The following CA8 variants were observed in gnomAD, a reference collection of about 807,000 sequenced individuals.
CA8 encodes carbonic anhydrase 8 (inactive).
In CA8, 22 loss-of-function variants were observed where a neutral mutation model predicts 41.4. That is an observed-to-expected ratio of 0.53 (90% CI 0.38 to 0.76). The LOEUF is 0.76. Ranked by LOEUF, CA8 falls within the 30% of genes least tolerant of loss-of-function variation. The probability of loss-of-function intolerance (pLI) is 0.00; values close to 1 mark genes in which losing one functional copy is unlikely to be tolerated. For synonymous variants in CA8, 121 were observed against 130.6 expected (o/e 0.93, Z 0.50); for missense variants, 270 against 352.8 (o/e 0.77, Z 1.88).
In CA8 at chr8:60,187,629, T is replaced by G. The variant is rs767450609; in HGVS notation, c.*2392A>C. 20 of 152,120 alleles carry G rather than the reference T, an allele frequency of 1.3e-4. No homozygotes were observed. Among genetic ancestry groups the G allele is most frequent in the Non-Finnish European group, 2.4e-4 (16 of 67,994 alleles). The allele number at this position is 152,120 out of a possible 1,614,324, so 9.4% of individuals were successfully genotyped here. ...ACAAAAAAAGAGTAAACTCAAATTA[T>G]CTTAATTGGCAAACCTTCTGACAAC... On this transcript the variant is annotated 3_prime_UTR_variant, in exon 9 of 9. Coordinates refer to ENST00000317995, the MANE Select transcript of CA8 (RefSeq NM_004056.6).
intron 3 of CA8, among the ~76,000 whole-genome samples, chr8:60,255,598 C>G (rs540783336): frequency 1.4e-4 from 21 of 152,136 alleles, no homozygotes; most frequent in Non-Finnish European, 2.6e-4. Flanking sequence ...CCTTTGGGTT[C>G]CCAAGTGAAG....
intron 2 of CA8, among the ~76,000 whole-genome samples, chr8:60,270,523 C>G (rs1406714911): frequency 6.6e-6 from 1 of 152,164 alleles, no homozygotes; most frequent in Non-Finnish European, 1.5e-5. Flanking sequence ...TCAAGAGATT[C>G]TCCTGCCTCA....
At chr8:60,238,683 C>T (rs1375023840) in intron 3 of CA8, among the ~76,000 whole-genome samples, 3 of 152,144 alleles carry the variant, frequency 2.0e-5, no homozygotes, top group South Asian at 2.1e-4. Flanking sequence ...ACCACATTTC[C>T]TCTGTTGAAA....
At chr8:60,193,476 A>C (rs1023998643) in intron 8 of CA8, among the ~76,000 whole-genome samples, 3 of 152,126 alleles carry the variant, frequency 2.0e-5, no homozygotes, top group Non-Finnish European at 2.9e-5. Flanking sequence ...TGGTGTGGCA[A>C]TATCAAGTAG....
chr8:60,263,810 A>G (rs557830849), intron 3 of CA8, among the ~76,000 whole-genome samples: 1 of 152,346 alleles, frequency 6.6e-6, no homozygotes, highest in African/African-American at 2.4e-5. Flanking sequence ...AAATATATCA[A>G]TAAACAATCC....
intron 2 of CA8, among the ~76,000 whole-genome samples, chr8:60,276,987 C>T (rs756383788): frequency 1.3e-5 from 2 of 151,812 alleles, no homozygotes; most frequent in South Asian, 2.1e-4. Context: ...GGTGTGGTGG[C>T]GGGCGCCTGT....
In CA8 at chr8:60,277,106, G is replaced by A. The variant is rs181769009; in HGVS notation, c.292+2583C>T. 6.3e-3 allele frequency among the ~76,000 whole-genome samples: 877 copies of A among 138,530 alleles called. 6 individuals are homozygous for A. The highest frequency in any genetic ancestry group is 0.011 in the Non-Finnish European group (707 of 65,156). The allele number at this position is 138,530 out of a possible 152,430, so 90.9% of individuals were successfully genotyped here. On this transcript the variant is annotated intron_variant, in intron 2 of 8. Coordinates refer to ENST00000317995, the MANE Select transcript of CA8 (RefSeq NM_004056.6). ...TGCACTCCAGCCTAGGCGACAGAGC[G>A]AGACTCTGTCTCAAAAGAAAAAAAA...
At chr8:60,256,819 C>T (rs1477552706) in intron 3 of CA8, among the ~76,000 whole-genome samples, 1 of 151,868 alleles carries the variant, frequency 6.6e-6, no homozygotes, top group African/African-American at 2.4e-5. Context: ...GGAAAAATGA[C>T]CTGGAAATGT....
At chr8:60,230,564 T>C (rs925244558) in intron 4 of CA8, among the ~76,000 whole-genome samples, 1 of 150,470 alleles carries the variant, frequency 6.6e-6, no homozygotes, top group Non-Finnish European at 1.5e-5. Flanking sequence ...CCCCGATGGA[T>C]TTCAGCCCAT....
rs564938579 is a variant in CA8 at position 60,185,473 on chromosome 8, C to A, written c.*4548G>T. On this transcript the variant is annotated 3_prime_UTR_variant, in exon 9 of 9. Coordinates refer to ENST00000317995, the MANE Select transcript of CA8 (RefSeq NM_004056.6). ...AAAAAAAATCATTCATCTACATACC[C>A]AAGAAGCTCAACAAATTCCAAGCAG... is the stretch of plus-strand genomic sequence containing the variant. Among the ~76,000 whole-genome samples the A allele has an allele frequency of 1.7e-3, 262 of 152,008 alleles. 1 individual carries two copies. Among genetic ancestry groups the A allele is most frequent in the Admixed American group, 3.3e-3 (51 of 15,260 alleles).
intron 8 of CA8, among the ~76,000 whole-genome samples, chr8:60,205,240 T>C (rs1476495374): frequency 6.6e-6 from 1 of 152,142 alleles, no homozygotes; most frequent in Non-Finnish European, 1.5e-5. Context: ...CCGTGTGACA[T>C]TGCTTTTTAC....
intron 3 of CA8, among the ~76,000 whole-genome samples, chr8:60,237,735 C>T (rs1180333811): frequency 6.6e-6 from 1 of 152,248 alleles, no homozygotes; most frequent in African/African-American, 2.4e-5. Flanking sequence ...AGGCTCCCTT[C>T]AGCCATTCTC....
At chr8:60,249,338 T>C (rs1213163518) in intron 3 of CA8, among the ~76,000 whole-genome samples, 1 of 152,190 alleles carries the variant, frequency 6.6e-6, no homozygotes, top group East Asian at 1.9e-4. Flanking sequence ...CTTCAGGAGT[T>C]CCTATAATGT....
intron 4 of CA8, among the ~76,000 whole-genome samples, chr8:60,229,633 G>A (rs1289248671): frequency 2.0e-5 from 3 of 152,098 alleles, no homozygotes; most frequent in African/African-American, 4.8e-5. Context: ...AACCAACCCT[G>A]AGGACACTGC....
rs1421833180 is a variant in CA8, at chr8:60,232,313, C to T, written c.484G>A (p.Gly162Arg). The T allele has an allele frequency of 1.2e-6, 2 of 1,613,886 alleles. No individual in the cohort carries two copies. The highest frequency in any genetic ancestry group is 1.7e-6 in the Non-Finnish European group (2 of 1,179,770). The change falls in exon 4 of 9, where the codon GGA becomes AGA. Residue 162 changes from glycine (G) to arginine (R), a missense_variant. Physicochemically the swap from Gly to Arg is moderately radical, Grantham distance 125. Coordinates refer to ENST00000317995, the MANE Select transcript of CA8 (RefSeq NM_004056.6). The stretch of plus-strand genomic sequence containing the variant: ...ACAAACAGAGCAATGATGGCGATTC[C>T]GTGCGGCTTCCCCACAGCCTCATCA... The part of the protein sequence containing the change: ...SIDEAVGKPH[G>R]IAIIALFVQI...
At position 60,279,898 on chromosome 8, in the gene CA8, TAA is replaced by T. The variant is rs1804354860; in HGVS notation, c.101-20_101-19del. 1 of 1,584,602 alleles carries T rather than the reference TAA, an allele frequency of 6.3e-7. No homozygotes were observed. The highest frequency in any genetic ancestry group is 1.8e-5 in the Admixed American group (1 of 57,068). ...CTCAACACCTAAGAACAAAATGAAA[TAA>T]ATTAAAAACAGGTTAAAAAATAAAT... On this transcript the variant is annotated intron_variant, in intron 1 of 8. Transcript: ENST00000317995.
chr8:60,241,152 C>T (rs764331328), intron 3 of CA8, among the ~76,000 whole-genome samples: 1 of 152,170 alleles, frequency 6.6e-6, no homozygotes, highest in Non-Finnish European at 1.5e-5. Flanking sequence ...CGCTTTAAGT[C>T]ATCACTGTCA....
At chr8:60,277,567 C>G (rs567059041) in intron 2 of CA8, among the ~76,000 whole-genome samples, 26 of 152,088 alleles carry the variant, frequency 1.7e-4, no homozygotes, top group Non-Finnish European at 3.1e-4. Context: ...GTTGGTCAGG[C>G]TGGTGTCGAA....
chr8:60,215,571 A>T (rs569415688), intron 7 of CA8, among the ~76,000 whole-genome samples: 38 of 152,302 alleles, frequency 2.5e-4, no homozygotes, highest in Non-Finnish European at 4.3e-4. Context: ...AAATAAAAAA[A>T]TTTTAATAAA....
Sources: gnomAD v4.1 joint callset for allele counts (sites outside exome capture counted in the v4.1 genomes callset) on GRCh38, gnomAD v4.1.1 for gene constraint, MANE v1.5 for transcripts, NCBI Gene and HGNC (gene_info 2026-07-23, HGNC 2026-07-21) for gene names.